The following ATP6V1B2 variants were observed in gnomAD, a reference collection of about 807,000 sequenced individuals.
ATP6V1B2 encodes V-type proton ATPase subunit B, brain isoform.
A neutral mutation model predicts 66.7 loss-of-function variants in ATP6V1B2; 23 were observed. The observed-to-expected ratio is 0.34, with a 90% CI of 0.25 to 0.49. The LOEUF (loss-of-function observed/expected upper bound fraction) is 0.49, where lower values mean the gene tolerates loss of function less well. Ranked by LOEUF, ATP6V1B2 falls within the 20% of genes least tolerant of loss-of-function variation. The pLI is 0.99. For missense variants in ATP6V1B2, 478 were observed against 650.8 expected, an observed-to-expected ratio of 0.73 and a Z score of 2.89; for synonymous variants, 278 against 236.7, an observed-to-expected ratio of 1.17 and a Z score of -1.60.
chr8:20,202,082 C>T (rs891179807), intron 1 of ATP6V1B2, among the ~76,000 whole-genome samples: 2 of 152,182 alleles, frequency 1.3e-5, no homozygotes, highest in Non-Finnish European at 2.9e-5. Flanking sequence ...AGTACTGCCA[C>T]ATTGGGGATG....
In ATP6V1B2 at chr8:20,217,081, T is replaced by C. The variant is rs1047393353; in HGVS notation, c.1162-139T>C. On this transcript the variant is annotated intron_variant, in intron 11 of 13. Transcript: ENST00000276390. ...ACCTTTTCTTGCCAGGAAGAGACAG[T>C]AGGATTCATCTAGGAGACAAATGCA... 5 of 679,176 alleles carry C rather than the reference T, an allele frequency of 7.4e-6. No homozygotes were observed. In the African/African-American group the frequency reaches 9.0e-5, roughly 12 times the overall value. 42.1% of individuals were successfully genotyped at this position (679,176 alleles called of 1,614,324 possible). A position where few individuals can be genotyped will look rare whatever the true frequency, so the allele number is the denominator to read the frequency against.
chr8:20,209,543 C>G lies in ATP6V1B2; in HGVS notation c.291+12C>G. ...AGGCAGTAGTTCAGGTAAGTTTCAGCTGGCCAGCTGAACTGTTTCCTAGTT... is the reference window on the plus strand; with the variant it reads ...AGGCAGTAGTTCAGGTAAGTTTCAGGTGGCCAGCTGAACTGTTTCCTAGTT... On this transcript the variant is annotated intron_variant, in intron 3 of 13. Transcript: ENST00000276390. 1 of 1,609,172 alleles carries G rather than the reference C, an allele frequency of 6.2e-7. No homozygotes were observed. The highest frequency in any genetic ancestry group is 1.1e-5 in the South Asian group (1 of 90,986).
chr8:20,220,248 T>C lies in ATP6V1B2; in HGVS notation c.1397-15T>C, dbSNP rs1310212856. On this transcript the variant is annotated splice_polypyrimidine_tract_variant and intron_variant, in intron 13 of 13. Coordinates refer to ENST00000276390, the MANE Select transcript of ATP6V1B2 (RefSeq NM_001693.4). ...AAGTCATTTGCATTTATTAATTCAA[T>C]CTCAATTTTTTAAGGTCCTTACGAA... The C allele has an allele frequency of 6.2e-7, 1 of 1,603,168 alleles. No individual in the cohort carries two copies. Among genetic ancestry groups the C allele is most frequent in the Non-Finnish European group, 8.5e-7 (1 of 1,176,602 alleles).
rs1313430412 is a variant in ATP6V1B2, at chr8:20,220,292, A to G, written c.1426A>G (p.Thr476Ala). 9 of 1,603,938 alleles carry G rather than the reference A, an allele frequency of 5.6e-6. No individual in the cohort carries two copies. The highest frequency in any genetic ancestry group is 4.0e-5 in the African/African-American group (3 of 74,076). ...GPYENRTVFE[T>A]LDIGWQLLRI... is the part of the protein sequence containing the mutation. ...TTACGAAAATCGCACTGTCTTTGAG[A>G]CTTTGGACATTGGCTGGCAGCTACT... The change falls in exon 14 of 14, where the codon ACT becomes GCT. Residue 476 changes from threonine (T) to alanine (A), a missense_variant. By Grantham distance (58) the Thr-to-Ala change is moderately conservative. This residue lies in a region of ATP6V1B2 where 326 missense variants were observed against 545.6 expected (regional missense o/e 0.60). Coordinates refer to ENST00000276390, the MANE Select transcript of ATP6V1B2 (RefSeq NM_001693.4).
intron 1 of ATP6V1B2, among the ~76,000 whole-genome samples, chr8:20,198,042 A>G (rs962743535): frequency 4.6e-5 from 7 of 152,246 alleles, no homozygotes; most frequent in Non-Finnish European, 8.8e-5. Flanking sequence ...AGGTCAGGCC[A>G]GTAGCCAGAG....
intron 11 of ATP6V1B2, 135 bp from the exon 12 acceptor site, chr8:20,217,085 A>T: frequency 1.4e-6 from 1 of 690,870 alleles, no homozygotes; most frequent in East Asian, 2.7e-5. Context: ...AGACAGTAGG[A>T]TTCATCTAGG....
At chr8:20,199,581 G>C (rs1417081264) in intron 1 of ATP6V1B2, among the ~76,000 whole-genome samples, 1 of 144,750 alleles carries the variant, frequency 6.9e-6, no homozygotes, top group African/African-American at 2.6e-5. Flanking sequence ...AGTAAATATT[G>C]ATTAACCTCT....
At chr8:20,220,210 ACTG>A in intron 13 of ATP6V1B2, 50 bp from the exon 14 acceptor site, 1 of 1,577,906 alleles carries the variant, frequency 6.3e-7, no homozygotes, top group South Asian at 1.2e-5. Flanking sequence ...ACTGGATAAC[ACTG>A]CTAAGTTGGA....
At position 20,214,825 on chromosome 8, in the gene ATP6V1B2, C is replaced by A; in HGVS notation, c.935C>A (p.Ala312Glu). 1 of 1,610,910 alleles carries A rather than the reference C, an allele frequency of 6.2e-7. No homozygotes were observed. Among genetic ancestry groups the A allele is most frequent in the Non-Finnish European group, 8.5e-7 (1 of 1,178,442 alleles). The change falls in exon 10 of 14, where the codon GCA becomes GAA. Residue 312 changes from alanine to glutamate, a missense_variant. Coordinates refer to ENST00000276390, the MANE Select transcript of ATP6V1B2 (RefSeq NM_001693.4). ...TGCTTGACCTGCTGTCAGGTTTCAG[C>A]AGCCAGGGAAGAGGTACCTGGTCGA... Reference protein sequence around the residue: ...SYAEALREVSAAREEVPGRRG... With the variant: ...SYAEALREVSEAREEVPGRRG...
At chr8:20,209,353 A>C in intron 2 of ATP6V1B2, 80 bp from the exon 3 acceptor site, 1 of 1,385,848 alleles carries the variant, frequency 7.2e-7, no homozygotes, top group African/African-American at 1.4e-5. Flanking sequence ...CAGACACAAC[A>C]TGGGAGAGAC....
chr8:20,210,715 A>G, intron 5 of ATP6V1B2, 69 bp downstream of exon 5: 1 of 1,397,666 alleles, frequency 7.2e-7, no homozygotes, highest in Non-Finnish European at 1.0e-6. Context: ...CCTTTGCCAG[A>G]TAGAGAGTGT....
At chr8:20,216,937 A>G (rs1038555389) in intron 11 of ATP6V1B2, 5 of 370,430 alleles carry the variant, frequency 1.3e-5, no homozygotes, top group African/African-American at 8.1e-5. Flanking sequence ...ATGTGGTAGT[A>G]CTTATCAAAC....
intron 10 of ATP6V1B2, chr8:20,215,703 T>C (rs2072847774): frequency 6.6e-6 from 1 of 152,180 alleles, no homozygotes; most frequent in Non-Finnish European, 1.5e-5. Context: ...CAGTTTGAGT[T>C]CATAACTCAC....
chr8:20,209,644 T>C, intron 3 of ATP6V1B2, 113 bp downstream of exon 3: 2 of 1,015,992 alleles, frequency 2.0e-6, no homozygotes, highest in Admixed American at 2.3e-5. Flanking sequence ...CTTTAGAGAT[T>C]GGTTACCGGC....
chr8:20,200,465 G>A (rs1359771020), intron 1 of ATP6V1B2, among the ~76,000 whole-genome samples: 1 of 152,188 alleles, frequency 6.6e-6, no homozygotes, highest in Non-Finnish European at 1.5e-5. Context: ...AAGAAATGGA[G>A]TAATGTTGAC....
chr8:20,200,210 A>G (rs2072671388), intron 1 of ATP6V1B2, among the ~76,000 whole-genome samples: 1 of 151,218 alleles, frequency 6.6e-6, no homozygotes, highest in Non-Finnish European at 1.5e-5. Flanking sequence ...TAGAGATGGG[A>G]TTTCCCCATG....
chr8:20,207,642 A>C (rs1312507121), intron 2 of ATP6V1B2, among the ~76,000 whole-genome samples: 1 of 152,082 alleles, frequency 6.6e-6, no homozygotes, highest in Non-Finnish European at 1.5e-5. Context: ...AAGACACAAA[A>C]GACATAAATT....
chr8:20,211,952 G>A (rs894818994), intron 7 of ATP6V1B2, 150 bp from the exon 8 acceptor site: 7 of 826,336 alleles, frequency 8.5e-6, no homozygotes, highest in Middle Eastern at 3.4e-4. Context: ...GCCCCAAACC[G>A]GCTCTTTGTT....
Position 20,216,506 on chromosome 8 carries a change from GGA to G in ATP6V1B2, c.1161+13_1161+14del, listed in dbSNP as rs1299655541. On this transcript the variant is annotated intron_variant, in intron 11 of 13. Coordinates refer to ENST00000276390, the MANE Select transcript of ATP6V1B2 (RefSeq NM_001693.4). ...CTGCACAACAGACAGGTACTGGACG[GGA>G]GCAGTGCTGGGAAGCTTGCAGACCT... The G allele has an allele frequency of 5.6e-6, 9 of 1,610,476 alleles. No homozygotes were observed. The African/African-American group carries it at 1.1e-4, about 19-fold the overall frequency.
Sources: allele counts gnomAD v4.1 joint callset (sites outside exome capture counted in the v4.1 genomes callset), GRCh38; gene constraint gnomAD v4.1.1; regional missense constraint gnomAD v4.1.1; transcripts MANE v1.5; gene names NCBI Gene and HGNC (gene_info 2026-07-23, HGNC 2026-07-21).